The following NUAK1 variants were observed in gnomAD, a reference collection of about 807,000 sequenced individuals.
NUAK1 encodes NUAK family SNF1-like kinase 1.
A neutral mutation model predicts 56.9 loss-of-function variants in NUAK1; 26 were observed. The ratio of observed to expected loss-of-function variants is 0.46; its 90% CI spans 0.33 to 0.63. The LOEUF (loss-of-function observed/expected upper bound fraction) is 0.63, where lower values mean the gene tolerates loss of function less well. NUAK1 is among the 30% of genes least tolerant of loss of function. The probability of loss-of-function intolerance (pLI) is 0.02; values close to 1 mark genes in which losing one functional copy is unlikely to be tolerated. For missense variants in NUAK1, 727 were observed against 876.1 expected (o/e 0.83, Z 2.15); for synonymous variants, 337 against 336.0 (o/e 1.00, Z -0.03).
chr12:106,072,442 G>C (rs1029913753), intron 5 of NUAK1, among the ~76,000 whole-genome samples: 1 of 152,164 alleles, frequency 6.6e-6, no homozygotes, highest in African/African-American at 2.4e-5. Flanking sequence ...GAAATGCAGA[G>C]ATCTACATTG....
At chr12:106,096,417 C>T (rs753737240) in intron 2 of NUAK1, among the ~76,000 whole-genome samples, 2 of 152,194 alleles carry the variant, frequency 1.3e-5, no homozygotes, top group Non-Finnish European at 2.9e-5. Flanking sequence ...GACAGGCTCA[C>T]AGCTGAAGCA....
Position 106,131,583 on chromosome 12 carries a change from A to T in NUAK1, c.240+6831T>A, listed in dbSNP as rs543844058. Reference sequence around the variant, plus strand: ...TTCCATAAATAAAATTATGGAATAGATCATAAGTAATATTCCACAAATGAA... The same window carrying T: ...TTCCATAAATAAAATTATGGAATAGTTCATAAGTAATATTCCACAAATGAA... On this transcript the variant is annotated intron_variant, in intron 1 of 6. Transcript: ENST00000261402. Among the ~76,000 whole-genome samples the T allele has an allele frequency of 1.5e-4, 23 of 152,334 alleles. No individual in the cohort carries two copies. In the East Asian group the frequency reaches 4.2e-3, roughly 28 times the overall value.
intron 2 of NUAK1, among the ~76,000 whole-genome samples, chr12:106,089,547 T>C (rs2032614009): frequency 6.6e-6 from 1 of 152,188 alleles, no homozygotes; most frequent in South Asian, 2.1e-4. Context: ...ATCCCAGCCC[T>C]TTGGGAGGCT....
At chr12:106,124,704 G>C (rs768649114) in intron 1 of NUAK1, among the ~76,000 whole-genome samples, 60 of 152,240 alleles carry the variant, frequency 3.9e-4, no homozygotes, top group Admixed American at 1.0e-3. Context: ...CACAGAAAAT[G>C]CAATCAATAA....
chr12:106,076,174 G>A (rs2032463121), intron 4 of NUAK1, among the ~76,000 whole-genome samples: 1 of 152,172 alleles, frequency 6.6e-6, no homozygotes, highest in Admixed American at 6.5e-5. Flanking sequence ...GAATTACTTT[G>A]ACCTGAAAGA....
chr12:106,109,912 C>T (rs2032841395), intron 1 of NUAK1, among the ~76,000 whole-genome samples: 1 of 152,168 alleles, frequency 6.6e-6, no homozygotes, highest in Admixed American at 6.5e-5. Flanking sequence ...AGAACCTTCC[C>T]TTCTTCCTTT....
At chr12:106,090,513 C>T (rs2032624794) in intron 2 of NUAK1, among the ~76,000 whole-genome samples, 1 of 152,174 alleles carries the variant, frequency 6.6e-6, no homozygotes, top group Non-Finnish European at 1.5e-5. Flanking sequence ...CCCCATTTTA[C>T]AGATGAGAAC....
At chr12:106,101,929 G>A (rs1041673974) in intron 2 of NUAK1, among the ~76,000 whole-genome samples, 23 of 152,190 alleles carry the variant, frequency 1.5e-4, no homozygotes, top group African/African-American at 5.3e-4. Context: ...GGGATCCTGG[G>A]ACTGTGGTTC....
intron 1 of NUAK1, among the ~76,000 whole-genome samples, chr12:106,124,607 C>T (rs188654655): frequency 2.0e-5 from 3 of 152,256 alleles, no homozygotes; most frequent in African/African-American, 7.2e-5. Context: ...TTTCTAGAAG[C>T]GGCTGGAATG....
intron 5 of NUAK1, among the ~76,000 whole-genome samples, chr12:106,072,375 G>T (rs192638127): frequency 6.6e-6 from 1 of 152,124 alleles, no homozygotes; most frequent in Non-Finnish European, 1.5e-5. Flanking sequence ...ATATACATAC[G>T]TGTGTCACAT....
chr12:106,096,881 G>A (rs904539616), intron 2 of NUAK1, among the ~76,000 whole-genome samples: 1 of 152,166 alleles, frequency 6.6e-6, no homozygotes, highest in South Asian at 2.1e-4. Flanking sequence ...ATTTTTGGGG[G>A]TGAGACCCAG....
rs778360356 is a variant in NUAK1, at chr12:106,066,772, C to A, written c.*30G>T. ...GTCTTGCTCCCCTTCCTCCCTCGTA[C>A]CCCCGCCCGCCCCTGGGCGCCCTGG... is the stretch of plus-strand genomic sequence containing the variant. On this transcript the variant is annotated 3_prime_UTR_variant, in exon 7 of 7. Transcript: ENST00000261402. The A allele has an allele frequency of 1.9e-6, 3 of 1,556,458 alleles. No individual in the cohort carries two copies. Among genetic ancestry groups the A allele is most frequent in the Non-Finnish European group, 2.6e-6 (3 of 1,141,450 alleles).
intron 6 of NUAK1, among the ~76,000 whole-genome samples, chr12:106,070,034 C>T (rs3782689): frequency 0.18 from 27,829 of 151,978 alleles, 3,029 homozygotes; most frequent in East Asian, 0.41. Flanking sequence ...GGCAACAGAG[C>T]GAGACACTCT....
At chr12:106,099,648 C>A (rs967956102) in intron 2 of NUAK1, among the ~76,000 whole-genome samples, 1 of 152,068 alleles carries the variant, frequency 6.6e-6, no homozygotes, top group African/African-American at 2.4e-5. Context: ...GACTTTGCCT[C>A]TAAAGCTGAA....
chr12:106,103,887 T>A (rs564386904), intron 2 of NUAK1, among the ~76,000 whole-genome samples: 8 of 152,294 alleles, frequency 5.3e-5, no homozygotes, highest in African/African-American at 1.7e-4. Flanking sequence ...GAAGAGGGAA[T>A]GTTTGCTTCC....
chr12:106,096,333 A>G (rs2032697083), intron 2 of NUAK1, among the ~76,000 whole-genome samples: 1 of 152,148 alleles, frequency 6.6e-6, no homozygotes, highest in South Asian at 2.1e-4. Flanking sequence ...GGTGTAATCA[A>G]AAGAAAACAA....
intron 2 of NUAK1, among the ~76,000 whole-genome samples, chr12:106,097,798 G>A (rs184970865): frequency 2.2e-3 from 329 of 152,302 alleles, no homozygotes; most frequent in African/African-American, 7.6e-3. Flanking sequence ...TACTCTGGGT[G>A]CTGTAACCCA....
At chr12:106,072,610 T>A in intron 5 of NUAK1, 114 bp downstream of exon 5, 1 of 1,220,550 alleles carries the variant, frequency 8.2e-7, no homozygotes, top group Non-Finnish European at 1.1e-6. Context: ...AACGTTTTCC[T>A]TGCTGGCTTT....
intron 1 of NUAK1, among the ~76,000 whole-genome samples, chr12:106,119,768 T>A (rs1262717870): frequency 6.6e-6 from 1 of 152,122 alleles, no homozygotes; most frequent in Non-Finnish European, 1.5e-5. Flanking sequence ...AGACACAAAC[T>A]ATAAATAGCA....
Sources: gnomAD v4.1 joint callset for allele counts (sites outside exome capture counted in the v4.1 genomes callset) on GRCh38, gnomAD v4.1.1 for gene constraint, MANE v1.5 for transcripts, NCBI Gene and HGNC (gene_info 2026-07-23, HGNC 2026-07-21) for gene names.